Variants in EPB41L5 observed in about 807,000 individuals in gnomAD.
The protein encoded by EPB41L5 is erythrocyte membrane protein band 4.1 like 5.
A neutral mutation model predicts 106.6 loss-of-function variants in EPB41L5; 55 were observed. That is an observed-to-expected ratio of 0.52 (90% CI 0.42 to 0.65). The LOEUF (loss-of-function observed/expected upper bound fraction) is 0.65. Among genes scored for constraint, EPB41L5 ranks in the 30% least tolerant of loss-of-function variants. EPB41L5 has a pLI of 0.00. For synonymous variants in EPB41L5, 297 were observed against 306.7 expected, an observed-to-expected ratio of 0.97 and a Z score of 0.33; for missense variants, 871 against 882.1, an observed-to-expected ratio of 0.99 and a Z score of 0.16.
At chr2:120,077,686 A>G (rs758166916) in intron 9 of EPB41L5, among the ~76,000 whole-genome samples, 33 of 144,634 alleles carry the variant, frequency 2.3e-4, no homozygotes, top group Non-Finnish European at 3.8e-4. Context: ...TTCAGGATGC[A>G]AAGTTGAAGA....
intron 3 of EPB41L5, among the ~76,000 whole-genome samples, chr2:120,058,393 C>G (rs1258265837): frequency 1.3e-5 from 2 of 152,302 alleles, no homozygotes; most frequent in Admixed American, 6.5e-5. Context: ...CCAGGCTGTT[C>G]TGGAACTCCT....
intron 2 of EPB41L5, among the ~76,000 whole-genome samples, chr2:120,036,287 G>A (rs1679033777): frequency 6.6e-6 from 1 of 152,150 alleles, no homozygotes; most frequent in South Asian, 2.1e-4. Flanking sequence ...TGTGGACAAA[G>A]AATGAATTAT....
chr2:120,073,292 G>C, intron 4 of EPB41L5, 72 bp downstream of exon 4: 1 of 1,251,378 alleles, frequency 8.0e-7, no homozygotes, highest in East Asian at 2.4e-5. Context: ...TTTCTAATAG[G>C]ATGTAAGAAA....
intron 18 of EPB41L5, among the ~76,000 whole-genome samples, chr2:120,133,757 C>T (rs1402026717): frequency 1.3e-5 from 2 of 152,124 alleles, no homozygotes; most frequent in Non-Finnish European, 2.9e-5. Flanking sequence ...GTACACATGA[C>T]CTAGAGAGAT....
rs199546224 is a variant in EPB41L5, at chr2:120,143,654, G to A, written c.1728+523G>A. On this transcript the variant is annotated intron_variant, in intron 19 of 24. Coordinates refer to ENST00000263713, the MANE Select transcript of EPB41L5 (RefSeq NM_020909.4). ...GACAGAAGCCTGCCTCACTAAGTCA[G>A]TTGTCAACTAGGATTTCAAATTCAC... Among the ~76,000 whole-genome samples the A allele has an allele frequency of 5.3e-5, 8 of 152,208 alleles. No individual in the cohort carries two copies. The East Asian group carries it at 1.4e-3, about 26-fold the overall frequency.
In EPB41L5 at chr2:120,153,055, A is replaced by G. The variant is rs1375755931; in HGVS notation, c.1793+6766A>G. Among the ~76,000 whole-genome samples the G allele has an allele frequency of 2.0e-5, 3 of 152,144 alleles. No individual in the cohort carries two copies. The East Asian group carries it at 5.8e-4, about 29-fold the overall frequency. The stretch of plus-strand genomic sequence containing the variant: ...TAACTTTTGGATTTAAGTTTTTCTT[A>G]AGTTCTTTGTTTTTCTAGTTCCTTA... On this transcript the variant is annotated intron_variant, in intron 20 of 24. Coordinates refer to ENST00000263713, the MANE Select transcript of EPB41L5 (RefSeq NM_020909.4).
At chr2:120,147,610 G>A (rs745459705) in intron 20 of EPB41L5, among the ~76,000 whole-genome samples, 10 of 128,790 alleles carry the variant, frequency 7.8e-5, no homozygotes, top group Non-Finnish European at 1.1e-4. Flanking sequence ...GGGCAACAGA[G>A]CGAAACTCTG....
At chr2:120,108,716 C>T (rs1185895683) in intron 16 of EPB41L5, among the ~76,000 whole-genome samples, 1 of 152,072 alleles carries the variant, frequency 6.6e-6, no homozygotes, top group Non-Finnish European at 1.5e-5. Context: ...GTATTTGTAG[C>T]CCCACCAATA....
At position 120,100,165 on chromosome 2, in the gene EPB41L5, T is replaced by C. The variant is rs1684043151; in HGVS notation, c.1179-79T>C. 3.1e-6 allele frequency: 3 copies of C among 960,218 alleles called. No individual in the cohort carries two copies. In the Admixed American group the frequency reaches 7.2e-5, roughly 23 times the overall value. 59.5% of individuals were successfully genotyped at this position (960,218 alleles called of 1,614,324 possible). A position where few individuals can be genotyped will look rare whatever the true frequency, so the allele number is the denominator to read the frequency against. ...AATATCTTTAAAATAAATATTTTAT[T>C]AGTGTATGTGTTATCTTACAAAATG... On this transcript the variant is annotated intron_variant, in intron 14 of 24. Coordinates refer to ENST00000263713, the MANE Select transcript of EPB41L5 (RefSeq NM_020909.4).
At chr2:120,174,457 C>T (rs1263191538) in intron 24 of EPB41L5, among the ~76,000 whole-genome samples, 1 of 117,318 alleles carries the variant, frequency 8.5e-6, no homozygotes. Flanking sequence ...AGAGCAAGAC[C>T]CCGTCTCACA....
At chr2:120,047,960 C>T (rs963316161) in intron 3 of EPB41L5, among the ~76,000 whole-genome samples, 25 of 152,104 alleles carry the variant, frequency 1.6e-4, no homozygotes, top group African/African-American at 4.6e-4. Flanking sequence ...TGATGGATTA[C>T]GTTTATTGAT....
chr2:120,077,210 T>C lies in EPB41L5; in HGVS notation c.627-19T>C. ...TTTATATTTATTGTTACTTTAAAAA[T>C]CATTGTTTTAAATTTCAGAGGTCAA... is the stretch of plus-strand genomic sequence containing the variant. On this transcript the variant is annotated intron_variant, in intron 8 of 24. Coordinates refer to ENST00000263713, the MANE Select transcript of EPB41L5 (RefSeq NM_020909.4). 3 of 1,594,978 alleles carry C rather than the reference T, an allele frequency of 1.9e-6. No homozygotes were observed. Among genetic ancestry groups the C allele is most frequent in the Non-Finnish European group, 2.6e-6 (3 of 1,170,794 alleles).
chr2:120,014,492 A>C (rs374741646), intron 1 of EPB41L5, among the ~76,000 whole-genome samples: 2 of 152,236 alleles, frequency 1.3e-5, no homozygotes, highest in Non-Finnish European at 2.9e-5. Flanking sequence ...AGTCAGTAAA[A>C]AAGATAATAA....
intron 3 of EPB41L5, among the ~76,000 whole-genome samples, chr2:120,068,268 A>G (rs773502725): frequency 1.3e-4 from 20 of 152,318 alleles, no homozygotes; most frequent in Admixed American, 4.6e-4. Context: ...CGCTTTTCCC[A>G]TGGTCTTCGC....
chr2:120,121,003 G>T (rs576972621), intron 16 of EPB41L5, among the ~76,000 whole-genome samples: 2 of 152,294 alleles, frequency 1.3e-5, no homozygotes, highest in Admixed American at 1.3e-4. Flanking sequence ...TGCAATCCCA[G>T]CCACTGGTGA....
intron 17 of EPB41L5, among the ~76,000 whole-genome samples, chr2:120,130,538 A>G (rs901400282): frequency 2.0e-5 from 3 of 152,240 alleles, no homozygotes; most frequent in Non-Finnish European, 4.4e-5. Flanking sequence ...AGTATTCAGG[A>G]TGGAGTAATT....
intron 10 of EPB41L5, 128 bp from the exon 11 acceptor site, chr2:120,087,043 G>A (rs533481374): frequency 8.5e-5 from 48 of 567,152 alleles, no homozygotes; most frequent in Non-Finnish European, 1.3e-4. Context: ...TGCAAGTTAC[G>A]TTTACCGTCC....
chr2:120,085,707 C>T (rs945322111), intron 10 of EPB41L5, among the ~76,000 whole-genome samples: 3 of 152,156 alleles, frequency 2.0e-5, no homozygotes, highest in Admixed American at 2.0e-4. Context: ...AACACCTTTA[C>T]GGTTGTCCCT....
intron 18 of EPB41L5, among the ~76,000 whole-genome samples, chr2:120,138,879 G>A (rs751916100): frequency 5.9e-5 from 9 of 151,804 alleles, no homozygotes; most frequent in South Asian, 4.2e-4. Context: ...AGCCAAAGCC[G>A]TCCTGAGAAG....
Sources: gnomAD v4.1 joint callset for allele counts (sites outside exome capture counted in the v4.1 genomes callset) on GRCh38, gnomAD v4.1.1 for gene constraint, MANE v1.5 for transcripts, NCBI Gene and HGNC (gene_info 2026-07-23, HGNC 2026-07-21) for gene names.